Variants in GIT2 observed in about 807,000 individuals in gnomAD.
GIT2 encodes the protein ARF GTPase-activating protein GIT2.
GIT2 carries 32 observed loss-of-function variants against 100.3 expected under a neutral mutation model. The ratio of observed to expected loss-of-function variants is 0.32; its 90% CI spans 0.24 to 0.43. The LOEUF (loss-of-function observed/expected upper bound fraction) is 0.43. Among genes scored for constraint, GIT2 ranks in the 20% least tolerant of loss-of-function variants. GIT2 has a pLI of 1.00. For synonymous variants in GIT2, 353 were observed against 364.1 expected (o/e 0.97, Z 0.35); for missense variants, 737 against 975.1 (o/e 0.76, Z 3.25).
At chr12:109,965,639 G>T in intron 8 of GIT2, 62 bp from the exon 9 acceptor site, 1 of 1,018,824 alleles carries the variant, frequency 9.8e-7, no homozygotes, top group Non-Finnish European at 1.5e-6. Flanking sequence ...ACTCTGTAAA[G>T]TTTAAGACAC....
Position 109,947,600 on chromosome 12 carries a change from T to A in GIT2, c.1393-96A>T. 7 of 1,123,916 alleles carry A rather than the reference T, an allele frequency of 6.2e-6. No individual in the cohort carries two copies. Among genetic ancestry groups the A allele is most frequent in the Non-Finnish European group, 9.1e-6 (7 of 771,600 alleles). 69.6% of individuals were successfully genotyped at this position (1,123,916 alleles called of 1,614,324 possible). ...GAATACAACTACCAGTTTTAAACAA[T>A]AAGGACAGTAACAGCTAGCCGGGCT... On this transcript the variant is annotated intron_variant, in intron 14 of 19. Coordinates refer to ENST00000355312, the MANE Select transcript of GIT2 (RefSeq NM_057169.5). The surrounding 1 kb of genome is among the most constrained non-coding windows in gnomAD (Gnocchi z 4.3).
At chr12:109,960,267 A>G (rs1413513055) in intron 11 of GIT2, among the ~76,000 whole-genome samples, 1 of 152,208 alleles carries the variant, frequency 6.6e-6, no homozygotes, top group African/African-American at 2.4e-5. Flanking sequence ...CTTTTCTTCT[A>G]TTAATGCTTC....
chr12:109,944,715 C>T (rs1042448723), intron 16 of GIT2, among the ~76,000 whole-genome samples: 12 of 152,150 alleles, frequency 7.9e-5, no homozygotes, highest in African/African-American at 2.6e-4. Flanking sequence ...TTAACAGCTG[C>T]TTGCATAGCT....
At chr12:109,953,429 G>A in intron 12 of GIT2, 195 bp from the exon 13 acceptor site, 1 of 570,174 alleles carries the variant, frequency 1.8e-6, no homozygotes, top group Non-Finnish European at 3.1e-6. Flanking sequence ...GACCTACCTA[G>A]GCAACACAAT....
chr12:109,945,944 G>C (rs1478008761), intron 15 of GIT2, among the ~76,000 whole-genome samples: 2 of 152,156 alleles, frequency 1.3e-5, no homozygotes, highest in Non-Finnish European at 2.9e-5. Flanking sequence ...AGACCAGCCT[G>C]GGCAACATGA....
At chr12:109,973,712 T>G (rs1382321922) in intron 7 of GIT2, among the ~76,000 whole-genome samples, 1 of 147,282 alleles carries the variant, frequency 6.8e-6, no homozygotes. Flanking sequence ...ATTTTGCTCT[T>G]TTTTTTTTTA....
At position 109,993,290 on chromosome 12, in the gene GIT2, G is replaced by T. The variant is rs75006810; in HGVS notation, c.53-1530C>A. Among the ~76,000 whole-genome samples the T allele has an allele frequency of 6.8e-3, 1,038 of 152,252 alleles. 1 individual carries two copies. The highest frequency in any genetic ancestry group is 9.5e-3 in the Non-Finnish European group (643 of 68,010). On this transcript the variant is annotated intron_variant, in intron 1 of 19. Transcript: ENST00000355312. ...GGTGACAATAGGTGCCACTTAAGCTGCCTGGTCAAAGGGTTACATTTAAAA... is the reference window on the plus strand; with the variant it reads ...GGTGACAATAGGTGCCACTTAAGCTTCCTGGTCAAAGGGTTACATTTAAAA...
intron 18 of GIT2, among the ~76,000 whole-genome samples, chr12:109,936,661 A>G (rs1308925146): frequency 6.6e-6 from 1 of 152,166 alleles, no homozygotes; most frequent in African/African-American, 2.4e-5. Flanking sequence ...TGAGATCAGG[A>G]GTTCGAGACC....
At chr12:109,972,606 T>C (rs1884169303) in intron 7 of GIT2, among the ~76,000 whole-genome samples, 1 of 151,684 alleles carries the variant, frequency 6.6e-6, no homozygotes, top group African/African-American at 2.4e-5. Context: ...AGTAGCTACA[T>C]GCATGCACCA....
intron 8 of GIT2, chr12:109,967,256 T>C: frequency 8.0e-7 from 1 of 1,254,328 alleles, no homozygotes; most frequent in Non-Finnish European, 1.1e-6. Flanking sequence ...ATTTTCCTAT[T>C]AGTAAAATTG....
chr12:109,951,141 C>T (rs754213291), intron 14 of GIT2, 26 bp downstream of exon 14: 5 of 1,600,788 alleles, frequency 3.1e-6, no homozygotes, highest in African/African-American at 1.3e-5. Context: ...AAGCGTCAAC[C>T]GTCCTGGCAT....
intron 14 of GIT2, chr12:109,950,918 G>A (rs1877662257): frequency 2.1e-6 from 1 of 467,212 alleles, no homozygotes. Flanking sequence ...AATAGTCCAA[G>A]GGTTATTCTA....
intron 7 of GIT2, among the ~76,000 whole-genome samples, chr12:109,980,320 C>T (rs965766295): frequency 2.1e-4 from 32 of 152,192 alleles, no homozygotes; most frequent in African/African-American, 7.0e-4. Flanking sequence ...CTTTCTGCCT[C>T]GGCCTCCCAA....
chr12:109,995,626 T>C (rs1381557866), intron 1 of GIT2, among the ~76,000 whole-genome samples: 1 of 152,130 alleles, frequency 6.6e-6, no homozygotes, highest in South Asian at 2.1e-4. Context: ...CACTGCCTCC[T>C]AAGTGCTGGT....
chr12:109,964,023 T>A (rs377188795), intron 9 of GIT2, among the ~76,000 whole-genome samples: 42 of 152,300 alleles, frequency 2.8e-4, no homozygotes, highest in African/African-American at 9.4e-4. Flanking sequence ...TGCCACGTGC[T>A]AGAGATATTA....
At position 109,983,300 on chromosome 12, in the gene GIT2, T is replaced by G; in HGVS notation, c.623+73A>C. ...GGGGTTCAATATCAACATATACAAC[T>G]TAGCTACTTAACAAGGAATCACACC... On this transcript the variant is annotated intron_variant, in intron 6 of 19. Transcript: ENST00000355312. The G allele has an allele frequency of 2.2e-6, 3 of 1,338,694 alleles. No individual in the cohort carries two copies. In the South Asian group the frequency reaches 3.7e-5, roughly 16 times the overall value. 82.9% of individuals were successfully genotyped at this position (1,338,694 alleles called of 1,614,324 possible).
At chr12:109,951,085 G>C in intron 14 of GIT2, 82 bp downstream of exon 14, 1 of 1,206,996 alleles carries the variant, frequency 8.3e-7, no homozygotes, top group Non-Finnish European at 1.2e-6. Flanking sequence ...TTCTTTCCTC[G>C]GACCACATCA....
rs528786165 is a variant in GIT2, at chr12:109,934,501, C to G, written c.2004-416G>C. Among the ~76,000 whole-genome samples the G allele has an allele frequency of 6.6e-4, 100 of 152,060 alleles. No homozygotes were observed. Among genetic ancestry groups the G allele is most frequent in the Non-Finnish European group, 1.4e-3 (94 of 68,032 alleles). On this transcript the variant is annotated intron_variant, in intron 18 of 19. Coordinates refer to ENST00000355312, the MANE Select transcript of GIT2 (RefSeq NM_057169.5). The surrounding 1 kb of genome is among the most constrained non-coding windows in gnomAD (Gnocchi z 4.5). ...AATTCCTTAAAATTAGAATTGGAGT[C>G]TCTCAAGTAGCTGGAACTTCAGGCA...
upstream of GIT2, chr12:109,997,453 C>T (rs1350890208): frequency 1.3e-5 from 2 of 152,104 alleles, no homozygotes; most frequent in African/African-American, 4.8e-5. Flanking sequence ...CAGTTTTAAT[C>T]TCATGTTCAA....
Sources: allele counts gnomAD v4.1 joint callset (sites outside exome capture counted in the v4.1 genomes callset), GRCh38; gene constraint gnomAD v4.1.1; non-coding constraint Gnocchi (gnomAD v3.1); transcripts MANE v1.5; gene names NCBI Gene and HGNC (gene_info 2026-07-23, HGNC 2026-07-21).